Variants in MAP2 observed in about 807,000 individuals in gnomAD.
The protein encoded by MAP2 is microtubule associated protein 2, also known as microtubule-associated protein 2.
A neutral mutation model predicts 137.6 loss-of-function variants in MAP2; 14 were observed. That is an observed-to-expected ratio of 0.10 (90% CI 0.07 to 0.16). The LOEUF (loss-of-function observed/expected upper bound fraction) is 0.16. Ranked by LOEUF, MAP2 falls within the 10% of genes least tolerant of loss-of-function variation. MAP2 has a pLI of 1.00. For synonymous variants in MAP2, 786 were observed against 782.3 expected (o/e 1.00, Z -0.08); for missense variants, 2,088 against 2,191.5 (o/e 0.95, Z 0.94).
At chr2:209,573,298 G>GGTTT (rs770132978) in intron 2 of MAP2, among the ~76,000 whole-genome samples, 77 of 120,064 alleles carry the variant, frequency 6.4e-4, no homozygotes, top group African/African-American at 1.9e-3. Context: ...TTCTTTTTCT[G>GGTTT]TTTTTTTTTT....
At chr2:209,464,566 C>A (rs1703666386) in intron 1 of MAP2, among the ~76,000 whole-genome samples, 1 of 152,022 alleles carries the variant, frequency 6.6e-6, no homozygotes, top group African/African-American at 2.4e-5. Context: ...AGCTGGAAAA[C>A]AGTGATATTA....
At chr2:209,639,504 A>C (rs1260619620) in intron 4 of MAP2, among the ~76,000 whole-genome samples, 2 of 152,158 alleles carry the variant, frequency 1.3e-5, no homozygotes, top group Non-Finnish European at 2.9e-5. Context: ...TCTCTGAGAA[A>C]TGTTTCTATC....
chr2:209,427,260 T>C (rs12465033), intron 1 of MAP2, among the ~76,000 whole-genome samples: 32,182 of 152,124 alleles, frequency 0.21, 4,054 homozygotes, highest in South Asian at 0.3. Context: ...AGATCAATAC[T>C]ATCCTCCTTA....
chr2:209,631,726 T>G (rs533051947), intron 4 of MAP2, among the ~76,000 whole-genome samples: 1 of 152,158 alleles, frequency 6.6e-6, no homozygotes, highest in Admixed American at 6.6e-5. Context: ...GAAAAGAGTA[T>G]GTGATGAAGC....
rs547741970 is a variant in MAP2 at position 209,644,338 on chromosome 2, A to C, written c.-29-8804A>C. 3.3e-5 allele frequency among the ~76,000 whole-genome samples: 5 copies of C among 152,196 alleles called. No homozygotes were observed. In the East Asian group the frequency reaches 9.6e-4, roughly 29 times the overall value. On this transcript the variant is annotated intron_variant, in intron 4 of 15. Coordinates refer to ENST00000682079, the MANE Select transcript of MAP2 (RefSeq NM_001375505.1). ...TTTAGAAATGTTTTTACTAGACCCTATTCGTGTCCAGTAGTTTGTTTTACT... is the reference window on the plus strand; with the variant it reads ...TTTAGAAATGTTTTTACTAGACCCTCTTCGTGTCCAGTAGTTTGTTTTACT...
intron 2 of MAP2, among the ~76,000 whole-genome samples, chr2:209,553,657 G>T (rs779144340): frequency 1.3e-5 from 2 of 152,164 alleles, no homozygotes; most frequent in Non-Finnish European, 2.9e-5. Flanking sequence ...GTGATTTCAA[G>T]TAATTTAAAC....
At chr2:209,619,917 A>G (rs2090631101) in intron 3 of MAP2, among the ~76,000 whole-genome samples, 3 of 152,116 alleles carry the variant, frequency 2.0e-5, no homozygotes, top group Non-Finnish European at 2.9e-5. Context: ...TGTAAGAGGA[A>G]GTGATGTGTG....
chr2:209,497,640 T>C (rs1202313982), intron 1 of MAP2, among the ~76,000 whole-genome samples: 1 of 152,144 alleles, frequency 6.6e-6, no homozygotes. Flanking sequence ...CAGGGAGCTT[T>C]TTCTCCTGGC....
chr2:209,576,307 G>A (rs560175405), intron 2 of MAP2, among the ~76,000 whole-genome samples: 4 of 152,032 alleles, frequency 2.6e-5, no homozygotes, highest in South Asian at 2.1e-4. Flanking sequence ...GCAGTGGTGC[G>A]ATCTCGGCTC....
intron 7 of MAP2, among the ~76,000 whole-genome samples, chr2:209,687,751 C>T (rs1234248736): frequency 6.6e-6 from 1 of 152,282 alleles, no homozygotes; most frequent in East Asian, 1.9e-4. Context: ...GGGTCCTCTA[C>T]ACAGGTTCCC....
At chr2:209,715,970 G>A (rs1022051466) in intron 13 of MAP2, among the ~76,000 whole-genome samples, 11 of 151,936 alleles carry the variant, frequency 7.2e-5, no homozygotes, top group Non-Finnish European at 1.6e-4. Context: ...ATCTGATTTT[G>A]TGCCCTGAAT....
intron 1 of MAP2, among the ~76,000 whole-genome samples, chr2:209,453,769 A>T (rs1200472172): frequency 6.9e-6 from 1 of 144,620 alleles, no homozygotes; most frequent in Non-Finnish European, 1.5e-5. Context: ...AGGAAAAGTG[A>T]TATTTCTCAC....
At chr2:209,530,736 CCAGTAATAGAGGTATT>C (rs1251850643) in intron 2 of MAP2, among the ~76,000 whole-genome samples, 2 of 152,038 alleles carry the variant, frequency 1.3e-5, no homozygotes, top group Non-Finnish European at 2.9e-5. Context: ...TTATAAGCAT[CCAGTAATAGAGGTATT>C]CACCTTTTTT....
chr2:209,456,081 ACTC>A, intron 1 of MAP2, among the ~76,000 whole-genome samples: 1 of 152,036 alleles, frequency 6.6e-6, no homozygotes, highest in Non-Finnish European at 1.5e-5. Flanking sequence ...AGTGACTATC[ACTC>A]ATACTCCCTG....
intron 2 of MAP2, among the ~76,000 whole-genome samples, chr2:209,517,646 C>T (rs576040539): frequency 8.6e-5 from 13 of 151,974 alleles, no homozygotes; most frequent in African/African-American, 3.1e-4. Flanking sequence ...ATCATTTTGA[C>T]ATAGCCATAA....
intron 4 of MAP2, among the ~76,000 whole-genome samples, chr2:209,631,208 T>C (rs2153550240): frequency 6.6e-6 from 1 of 152,156 alleles, no homozygotes; most frequent in East Asian, 1.9e-4. Flanking sequence ...CATCTGTCTG[T>C]CCTGTCCCTT....
At chr2:209,638,945 C>A (rs990427211) in intron 4 of MAP2, among the ~76,000 whole-genome samples, 1 of 152,094 alleles carries the variant, frequency 6.6e-6, no homozygotes, top group Non-Finnish European at 1.5e-5. Context: ...TGATAATGAT[C>A]TTAAAATTAA....
intron 7 of MAP2, chr2:209,684,691 T>C (rs1342501422): frequency 6.6e-6 from 1 of 152,332 alleles, no homozygotes; most frequent in Admixed American, 6.5e-5. Flanking sequence ...ATTATAATTA[T>C]GCAGAAAACT....
intron 1 of MAP2, among the ~76,000 whole-genome samples, chr2:209,430,065 ATTG>A (rs1364173676): frequency 1.3e-5 from 2 of 151,492 alleles, no homozygotes; most frequent in African/African-American, 4.9e-5. Context: ...CCTATTTTTT[ATTG>A]TTGTTTATAT....
Sources: gnomAD v4.1 joint callset for allele counts (sites outside exome capture counted in the v4.1 genomes callset) on GRCh38, gnomAD v4.1.1 for gene constraint, MANE v1.5 for transcripts, NCBI Gene and HGNC (gene_info 2026-07-23, HGNC 2026-07-21) for gene names.